SETBP1: variants seen among roughly 807,000 people sequenced by gnomAD.
SETBP1 encodes the protein SET-binding protein.
A neutral mutation model predicts 101.0 loss-of-function variants in SETBP1; 9 were observed. That is an observed-to-expected ratio of 0.09 (90% confidence interval 0.05 to 0.16). The LOEUF is 0.16. Ranked by LOEUF, SETBP1 falls within the 10% of genes least tolerant of loss-of-function variation. SETBP1 has a pLI of 1.00. For synonymous variants in SETBP1, 818 were observed against 788.5 expected (o/e 1.04, Z -0.63); for missense variants, 1,858 against 2,033.8 (o/e 0.91, Z 1.66).
intron 4 of SETBP1, among the ~76,000 whole-genome samples, chr18:44,981,699 A>G (rs150191899): frequency 6.6e-6 from 1 of 152,326 alleles, no homozygotes; most frequent in South Asian, 2.1e-4. Flanking sequence ...GTGAATCTAC[A>G]TCGGCATAGA....
chr18:44,709,179 T>C (rs2069287237), intron 2 of SETBP1, among the ~76,000 whole-genome samples: 1 of 152,184 alleles, frequency 6.6e-6, no homozygotes, highest in African/African-American at 2.4e-5. Flanking sequence ...GGTGTTCTCT[T>C]GTTTGTTTTT....
intron 2 of SETBP1, among the ~76,000 whole-genome samples, chr18:44,730,670 G>A (rs1301039905): frequency 1.3e-5 from 2 of 152,156 alleles, no homozygotes; most frequent in Non-Finnish European, 2.9e-5. Flanking sequence ...GATCCTTCTT[G>A]CTTTCATCAT....
At chr18:44,801,713 T>C (rs1272295741) in intron 2 of SETBP1, among the ~76,000 whole-genome samples, 1 of 152,130 alleles carries the variant, frequency 6.6e-6, no homozygotes, top group Non-Finnish European at 1.5e-5. Flanking sequence ...ACTTGTTTAT[T>C]GAGCTTGCCA....
At chr18:44,993,145 A>G (rs1375466328) in intron 4 of SETBP1, among the ~76,000 whole-genome samples, 1 of 152,072 alleles carries the variant, frequency 6.6e-6, no homozygotes, top group African/African-American at 2.4e-5. Flanking sequence ...AAGAATAAAA[A>G]TAAACTTCTT....
intron 2 of SETBP1, among the ~76,000 whole-genome samples, chr18:44,801,248 T>G (rs2071601788): frequency 6.6e-6 from 1 of 152,022 alleles, no homozygotes; most frequent in Non-Finnish European, 1.5e-5. Flanking sequence ...ACCTGCACAT[T>G]GTGCACATGT....
chr18:44,822,283 A>G (rs1424000984), intron 2 of SETBP1, among the ~76,000 whole-genome samples: 2 of 152,238 alleles, frequency 1.3e-5, no homozygotes, highest in Admixed American at 1.3e-4. Context: ...TAAGTCCTTC[A>G]TCATCAGCAG....
At chr18:45,007,229 G>T (rs1314343869) in intron 4 of SETBP1, among the ~76,000 whole-genome samples, 2 of 152,070 alleles carry the variant, frequency 1.3e-5, no homozygotes, top group African/African-American at 4.8e-5. Context: ...CCTAGTCAAT[G>T]GATCATATTT....
At chr18:44,756,171 C>T (rs184146692) in intron 2 of SETBP1, among the ~76,000 whole-genome samples, 152 of 150,934 alleles carry the variant, frequency 1.0e-3, no homozygotes, top group African/African-American at 3.3e-3. Flanking sequence ...GAGCTGAAAT[C>T]GTGCCACCGT....
intron 2 of SETBP1, among the ~76,000 whole-genome samples, chr18:44,727,186 C>CTCTGTG (rs143445388): frequency 8.3e-5 from 12 of 145,188 alleles, no homozygotes; most frequent in African/African-American, 2.9e-4. Context: ...TATTTGATCA[C>CTCTGTG]TGTGTGTGTG....
Position 44,956,234 on chromosome 18 carries a change from G to A in SETBP1, c.4000+2894G>A, listed in dbSNP as rs556480246. 1.4e-4 allele frequency among the ~76,000 whole-genome samples: 21 copies of A among 151,722 alleles called. No individual in the cohort carries two copies. In the South Asian group the frequency reaches 2.1e-3, roughly 15 times the overall value. ...CTTAGCCTCTCATTGCTTATATCTC[G>A]AATGTCTCCTTCATGGCTGTGCCCC... On this transcript the variant is annotated intron_variant, in intron 4 of 5. Coordinates refer to ENST00000649279, the MANE Select transcript of SETBP1 (RefSeq NM_015559.3).
chr18:44,786,522 T>C (rs2071241776), intron 2 of SETBP1, among the ~76,000 whole-genome samples: 1 of 152,194 alleles, frequency 6.6e-6, no homozygotes, highest in Non-Finnish European at 1.5e-5. Context: ...ATATGTTATA[T>C]GGAACTTGGA....
At chr18:44,716,294 A>AC (rs2069462174) in intron 2 of SETBP1, among the ~76,000 whole-genome samples, 1 of 152,006 alleles carries the variant, frequency 6.6e-6, no homozygotes, top group African/African-American at 2.4e-5. Context: ...CTTGTTTAAG[A>AC]ACCTATACGT....
intron 2 of SETBP1, among the ~76,000 whole-genome samples, chr18:44,789,279 A>G (rs2071317168): frequency 6.6e-6 from 1 of 152,188 alleles, no homozygotes; most frequent in South Asian, 2.1e-4. Context: ...TAACTTCCCC[A>G]GTCCTCAACT....
chr18:44,889,977 C>T lies in SETBP1; in HGVS notation c.540+20694C>T, dbSNP rs186102414. Among the ~76,000 whole-genome samples the T allele has an allele frequency of 7.7e-3, 1,178 of 152,158 alleles. 5 individuals are homozygous for T. Among genetic ancestry groups the T allele is most frequent in the Non-Finnish European group, 9.3e-3 (633 of 67,984 alleles). ...ACTTAATTAACAAATTAAAATTGTA[C>T]GTATTTATGATGTACGACATGATGT... On this transcript the variant is annotated intron_variant, in intron 3 of 5. Transcript: ENST00000649279.
intron 5 of SETBP1, among the ~76,000 whole-genome samples, chr18:45,058,694 G>T (rs2073846838): frequency 6.6e-6 from 1 of 152,168 alleles, no homozygotes; most frequent in African/African-American, 2.4e-5. Context: ...CAAGCATAAA[G>T]GAGAAATAAA....
intron 2 of SETBP1, among the ~76,000 whole-genome samples, chr18:44,747,112 C>T (rs2070272593): frequency 6.6e-6 from 1 of 152,192 alleles, no homozygotes; most frequent in Admixed American, 6.5e-5. Context: ...ATGGAGGTTC[C>T]TGGTGACTCC....
chr18:45,031,042 G>A (rs922631552), intron 4 of SETBP1, among the ~76,000 whole-genome samples: 2 of 151,288 alleles, frequency 1.3e-5, no homozygotes, highest in Non-Finnish European at 2.9e-5. Flanking sequence ...GTTATTTCTT[G>A]CCTTCTGCTA....
At chr18:44,689,355 C>T (rs2068890961) in intron 1 of SETBP1, among the ~76,000 whole-genome samples, 1 of 152,186 alleles carries the variant, frequency 6.6e-6, no homozygotes, top group South Asian at 2.1e-4. Flanking sequence ...ATAGCAGACA[C>T]CTTTGTGGTC....
At chr18:45,021,928 TGAG>T (rs1306946331) in intron 4 of SETBP1, among the ~76,000 whole-genome samples, 1 of 152,110 alleles carries the variant, frequency 6.6e-6, no homozygotes, top group Non-Finnish European at 1.5e-5. Flanking sequence ...CAATAAATGT[TGAG>T]GAAGAGAAAA....
Sources: allele counts gnomAD v4.1 joint callset (sites outside exome capture counted in the v4.1 genomes callset), GRCh38; gene constraint gnomAD v4.1.1; transcripts MANE v1.5; gene names NCBI Gene and HGNC (gene_info 2026-07-23, HGNC 2026-07-21).